Variants in MGA observed in about 807,000 individuals in gnomAD.
MGA encodes MAX dimerization protein MGA, also known as MAX gene-associated protein.
In MGA, 40 loss-of-function variants were observed where a neutral mutation model predicts 261.1. The ratio of observed to expected loss-of-function variants is 0.15; its 90% CI spans 0.12 to 0.20. The LOEUF (loss-of-function observed/expected upper bound fraction) is 0.20. Among genes scored for constraint, MGA ranks in the 10% least tolerant of loss-of-function variants. The probability of loss-of-function intolerance (pLI) is 1.00; values close to 1 mark genes in which losing one functional copy is unlikely to be tolerated. For missense variants in MGA, 3,397 were observed against 3,630.5 expected, an observed-to-expected ratio of 0.94 and a Z score of 1.65; for synonymous variants, 1,302 against 1,290.6, an observed-to-expected ratio of 1.01 and a Z score of -0.19.
chr15:41,703,337 A>G (rs1191315249), intron 5 of MGA, among the ~76,000 whole-genome samples: 1 of 148,956 alleles, frequency 6.7e-6, no homozygotes, highest in African/African-American at 2.4e-5. Context: ...TCACCTGGCT[A>G]AGATATTGTC....
chr15:41,759,464 ATTTTTTTT>A (rs67238224), intron 19 of MGA, among the ~76,000 whole-genome samples: 5 of 94,610 alleles, frequency 5.3e-5, no homozygotes, highest in South Asian at 3.6e-4. Context: ...GTGTGTGTGT[ATTTTTTTT>A]TTTTTTTTTT....
At position 41,712,105 on chromosome 15, in the gene MGA, T is replaced by C. The variant is rs972781220; in HGVS notation, c.3084+756T>C. ...TTTTGTATTAATAATTTTTCACTTA[T>C]TTATTTTTATTTTTATATTTTAGAA... On this transcript the variant is annotated intron_variant, in intron 8 of 23. Transcript: ENST00000219905. 1.2e-4 allele frequency among the ~76,000 whole-genome samples: 19 copies of C among 152,296 alleles called. No homozygotes were observed. The South Asian group carries it at 2.3e-3, about 18-fold the overall frequency.
chr15:41,747,265 G>A (rs1489697396), intron 15 of MGA, among the ~76,000 whole-genome samples: 2 of 151,972 alleles, frequency 1.3e-5, no homozygotes, highest in Admixed American at 6.6e-5. Context: ...AAACCTTTAA[G>A]CTTTGCATAT....
chr15:41,714,960 CT>C (rs2060552298), intron 9 of MGA, among the ~76,000 whole-genome samples: 1 of 151,874 alleles, frequency 6.6e-6, no homozygotes, highest in Non-Finnish European at 1.5e-5. Context: ...TCTTTGCTAA[CT>C]TTTATTGGAG....
At chr15:41,740,816 C>T (rs1207212010) in intron 14 of MGA, among the ~76,000 whole-genome samples, 1 of 152,170 alleles carries the variant, frequency 6.6e-6, no homozygotes, top group African/African-American at 2.4e-5. Flanking sequence ...TTATTCCATT[C>T]ATCTCTGTTC....
Position 41,699,066 on chromosome 15 carries a change from T to G in MGA, c.2095T>G (p.Tyr699Asp), listed in dbSNP as rs557456762. The change falls in exon 5 of 24, where the codon TAC (tyrosine) becomes GAC (aspartate). Residue 699 changes from tyrosine (Y) to aspartate (D), a missense_variant and splice_region_variant. Transcript: ENST00000219905. ...ATTACTATTTATTTTGGGTGTAGGT[T>G]ACAGAGCAAGAATTTCCCAGTTGGA... 6.2e-7 allele frequency: 1 copy of G among 1,609,882 alleles called. No individual in the cohort carries two copies. The highest frequency in any genetic ancestry group is 8.5e-7 in the Non-Finnish European group (1 of 1,177,852).
chr15:41,749,741 T>A lies in MGA; in HGVS notation c.6134T>A (p.Val2045Asp), dbSNP rs1282430692. The A allele has an allele frequency of 6.2e-7, 1 of 1,613,962 alleles. No individual in the cohort carries two copies. The highest frequency in any genetic ancestry group is 8.5e-7 in the Non-Finnish European group (1 of 1,179,892). ...CTTCCAGAAGAAGGTTGTGCAACTG[T>A]CAAACCATCTGAGCATTCCTGTATC... Residue 2045 changes from valine (V) to aspartate (D), a missense_variant, in exon 17 of 24, where the codon GTC becomes GAC. Coordinates refer to ENST00000219905, the MANE Select transcript of MGA (RefSeq NM_001164273.2).
chr15:41,668,862 A>G lies in MGA; in HGVS notation c.-33A>G, dbSNP rs371184721. 1.1e-5 allele frequency: 16 copies of G among 1,483,530 alleles called. No individual in the cohort carries two copies. In the African/African-American group the frequency reaches 2.0e-4, roughly 18 times the overall value. The allele number at this position is 1,483,530 out of a possible 1,614,324, so 91.9% of individuals were successfully genotyped here. A position where few individuals can be genotyped will look rare whatever the true frequency, so the allele number is the denominator to read the frequency against. On this transcript the variant is annotated 5_prime_UTR_variant, in exon 2 of 24. Transcript: ENST00000219905. ...GCCATTGTGACTATGTGGTGATTACAGTTGTCTTACTACTGAGTTTCCTAC... is the reference window on the plus strand; with the variant it reads ...GCCATTGTGACTATGTGGTGATTACGGTTGTCTTACTACTGAGTTTCCTAC...
chr15:41,732,150 CTT>C (rs934455098), intron 11 of MGA, among the ~76,000 whole-genome samples: 52 of 140,866 alleles, frequency 3.7e-4, no homozygotes, highest in Non-Finnish European at 3.6e-4. Context: ...TTTTGTTATC[CTT>C]TTTTTTTTTT....
rs1735856611 is a variant in MGA, at chr15:41,706,668, TC to T, written c.2189-1059del. ...TCATCTCGGCTCCTTGCAATCTCTG[TC>T]TCCCAGGTTCAAGTGATTCTCCTGC... On this transcript the variant is annotated intron_variant, in intron 5 of 23. Coordinates refer to ENST00000219905, the MANE Select transcript of MGA (RefSeq NM_001164273.2). Among the ~76,000 whole-genome samples, 3 of 151,118 alleles carry T rather than the reference TC, an allele frequency of 2.0e-5. No homozygotes were observed. In the Admixed American group the frequency reaches 2.0e-4, roughly 10 times the overall value.
intron 1 of MGA, among the ~76,000 whole-genome samples, chr15:41,649,798 G>A (rs2057005064): frequency 6.6e-6 from 1 of 152,122 alleles, no homozygotes; most frequent in African/African-American, 2.4e-5. Flanking sequence ...TCCTGCCTCA[G>A]CCTCCTGAGT....
rs750238490 is a variant in MGA at position 41,699,129 on chromosome 15, A to G, written c.2158A>G (p.Lys720Glu). The G allele has an allele frequency of 3.7e-6, 6 of 1,611,480 alleles. No individual in the cohort carries two copies. The highest frequency in any genetic ancestry group is 1.7e-5 in the Admixed American group (1 of 59,612). ...AGAAGATTTGAAGACTTTGCGGCAC[A>G]AGCAGGTGATACATCCTGGTCTTCA... The change falls in exon 5 of 24, where the codon AAG becomes GAG. Residue 720 changes from lysine (K) to glutamate (E), a missense_variant. Coordinates refer to ENST00000219905, the MANE Select transcript of MGA (RefSeq NM_001164273.2).
chr15:41,724,828 A>G (rs528336692), intron 9 of MGA, among the ~76,000 whole-genome samples: 2 of 152,152 alleles, frequency 1.3e-5, no homozygotes, highest in Admixed American at 1.3e-4. Context: ...CCCCTTTTTA[A>G]TTTTTAAACC....
chr15:41,730,761 G>A lies in MGA; in HGVS notation c.3843+1412G>A, dbSNP rs543361255. On this transcript the variant is annotated intron_variant, in intron 11 of 23. Transcript: ENST00000219905. The stretch of plus-strand genomic sequence containing the variant: ...CGTTATATGCTTTGCATAATCTTGT[G>A]TGGTAAGTCTTTGCTGCAACTGATA... Among the ~76,000 whole-genome samples, 213 of 152,254 alleles carry A rather than the reference G, an allele frequency of 1.4e-3. 1 individual carries two copies. The highest frequency in any genetic ancestry group is 4.8e-3 in the African/African-American group (201 of 41,540).
intron 13 of MGA, 132 bp downstream of exon 13, chr15:41,736,830 A>G: frequency 9.3e-7 from 1 of 1,073,250 alleles, no homozygotes; most frequent in Non-Finnish European, 1.3e-6. Flanking sequence ...CAAAATTATT[A>G]TCTCTTTTTG....
intron 2 of MGA, among the ~76,000 whole-genome samples, chr15:41,685,103 T>A (rs1182139369): frequency 1.3e-5 from 2 of 152,216 alleles, no homozygotes. Context: ...GGTTTTCACA[T>A]TTAATTCTGT....
At chr15:41,763,092 C>CTTTTTTTTTTTTT (rs71108131) in intron 22 of MGA, among the ~76,000 whole-genome samples, 2 of 63,952 alleles carry the variant, frequency 3.1e-5, no homozygotes, top group Non-Finnish European at 5.8e-5. Flanking sequence ...TTCTTTCTTC[C>CTTTTTTTTTTTTT]TTTTTTTTTT....
chr15:41,684,303 A>G, intron 2 of MGA: 5 of 419,066 alleles, frequency 1.2e-5, no homozygotes, highest in Non-Finnish European at 2.4e-5. Flanking sequence ...ACACATTAAT[A>G]TGTAGTGTTA....
chr15:41,644,123 T>G (rs190075900), intron 1 of MGA, among the ~76,000 whole-genome samples: 1 of 152,228 alleles, frequency 6.6e-6, no homozygotes, highest in African/African-American at 2.4e-5. Context: ...CCTCTGTGAA[T>G]TTAATAAAGT....
Sources: gnomAD v4.1 joint callset for allele counts (sites outside exome capture counted in the v4.1 genomes callset) on GRCh38, gnomAD v4.1.1 for gene constraint, MANE v1.5 for transcripts, NCBI Gene and HGNC (gene_info 2026-07-23, HGNC 2026-07-21) for gene names.